The following C5orf63 variants were observed in gnomAD, a reference collection of about 807,000 sequenced individuals.
C5orf63 encodes glutaredoxin-like protein C5orf63.
In C5orf63, 18 loss-of-function variants were observed where a neutral mutation model predicts 13.3. That is an observed-to-expected ratio of 1.36 (90% CI 0.94 to 2.01). The LOEUF is 2.01. Ranked by LOEUF, C5orf63 falls within the 30% of genes most tolerant of loss-of-function variation. The pLI is 0.00. For synonymous variants in C5orf63, 38 were observed against 44.7 expected, an observed-to-expected ratio of 0.85 and a Z score of 0.60; for missense variants, 118 against 127.7, an observed-to-expected ratio of 0.92 and a Z score of 0.36.
downstream of C5orf63, among the ~76,000 whole-genome samples, chr5:127,049,205 G>A (rs1241298663): frequency 1.3e-5 from 2 of 152,100 alleles, no homozygotes; most frequent in African/African-American, 4.8e-5. Flanking sequence ...GGAAGCATGG[G>A]AGGCTACTGA....
At chr5:127,059,052 C>G in intron 2 of C5orf63, 50 bp from the exon 3 acceptor site, 1 of 1,065,962 alleles carries the variant, frequency 9.4e-7, no homozygotes, top group Non-Finnish European at 1.4e-6. Context: ...AGACTTTGTT[C>G]CTTACAATAT....
At chr5:127,059,658 G>T (rs1157616069) in intron 2 of C5orf63, among the ~76,000 whole-genome samples, 1 of 151,256 alleles carries the variant, frequency 6.6e-6, no homozygotes, top group East Asian at 1.9e-4. Flanking sequence ...AGCCTGGGAA[G>T]TTGGGGCTGC....
At position 127,051,409 on chromosome 5, in the gene C5orf63, G is replaced by A; in HGVS notation, c.*362C>T. The A allele has an allele frequency of 8.1e-7, 1 of 1,232,650 alleles. No individual in the cohort carries two copies. Among genetic ancestry groups the A allele is most frequent in the Non-Finnish European group, 1.0e-6 (1 of 988,532 alleles). The allele number at this position is 1,232,650 out of a possible 1,614,324, so 76.4% of individuals were successfully genotyped here. On this transcript the variant is annotated 3_prime_UTR_variant, in exon 5 of 5. Coordinates refer to ENST00000296662, the MANE Select transcript of C5orf63 (RefSeq NM_001164478.2). ...ATTTATTCTTTCATTAAAAAGTTAA[G>A]CCCTCCGGGGCAGCAGCAGGAATGC...
chr5:127,050,924 G>A (rs1300318446), downstream of C5orf63, among the ~76,000 whole-genome samples: 4 of 151,916 alleles, frequency 2.6e-5, no homozygotes, highest in Non-Finnish European at 5.9e-5. Flanking sequence ...TATAAATAAG[G>A]GTACGCAAAT....
chr5:127,061,342 A>G (rs765987796), intron 2 of C5orf63, among the ~76,000 whole-genome samples: 10 of 152,216 alleles, frequency 6.6e-5, no homozygotes, highest in Non-Finnish European at 7.3e-5. Flanking sequence ...CCACCAACCC[A>G]TATCATGCTA....
At chr5:127,046,467 G>C (rs1182687562), downstream of C5orf63, 1 of 152,246 alleles carries the variant, frequency 6.6e-6, no homozygotes, top group Non-Finnish European at 1.5e-5. Context: ...CTATGGAGTA[G>C]GATATAAGTG....
intron 3 of C5orf63, among the ~76,000 whole-genome samples, chr5:127,054,408 C>T (rs947879686): frequency 1.3e-5 from 2 of 152,058 alleles, no homozygotes; most frequent in African/African-American, 2.4e-5. Context: ...TTGTTTCCTG[C>T]CTTTTTAATG....
chr5:127,050,451 C>T (rs955012867), downstream of C5orf63, among the ~76,000 whole-genome samples: 3 of 151,968 alleles, frequency 2.0e-5, no homozygotes, highest in Admixed American at 6.6e-5. Context: ...GGACTATAGG[C>T]ATGTACCACT....
At chr5:127,070,197 A>C (rs79563222) in intron 2 of C5orf63, among the ~76,000 whole-genome samples, 2,594 of 152,284 alleles carry the variant, frequency 0.017, 69 homozygotes, top group African/African-American at 0.059. Flanking sequence ...CATCCATTTC[A>C]TTTTTGAACC....
intron 2 of C5orf63, among the ~76,000 whole-genome samples, chr5:127,064,946 C>T (rs1429566842): frequency 6.6e-6 from 1 of 152,168 alleles, no homozygotes; most frequent in Non-Finnish European, 1.5e-5. Context: ...AGTAGATGCA[C>T]ATCCCCTTAC....
Position 127,051,870 on chromosome 5 carries a change from G to A in C5orf63, c.249C>T (p.Val83=). The change falls in exon 5 of 5, where the codon GTC becomes GTT. Residue 83 remains valine (V), a synonymous_variant. Coordinates refer to ENST00000296662, the MANE Select transcript of C5orf63 (RefSeq NM_001164478.2). ...TCAGAAACTGGCCATTCAAGTGAAA[G>A]ACAGGAATATCAAATTTATACCTTT... The part of the protein sequence containing the change: ...WYERYKFDIP[V]FHLNGQFLMM... The A allele has an allele frequency of 6.5e-7, 1 of 1,535,968 alleles. No homozygotes were observed. Among genetic ancestry groups the A allele is most frequent in the Non-Finnish European group, 8.7e-7 (1 of 1,146,290 alleles).
At position 127,052,679 on chromosome 5, in the gene C5orf63, GA is replaced by G. The variant is rs753609698; in HGVS notation, c.115-11del. The G allele has an allele frequency of 7.5e-5, 110 of 1,475,298 alleles. 1 individual carries two copies. Among genetic ancestry groups the G allele is most frequent in the Non-Finnish European group, 8.9e-5 (100 of 1,124,798 alleles). 91.4% of individuals were successfully genotyped at this position (1,475,298 alleles called of 1,614,324 possible). A position where few individuals can be genotyped will look rare whatever the true frequency, so the allele number is the denominator to read the frequency against. ...AAAGGGGGCATGGGTCCTACAGGAA[GA>G]AAAAAAACCCAAGCGATTAAACCCA... On this transcript the variant is annotated splice_polypyrimidine_tract_variant and intron_variant, in intron 3 of 4. Transcript: ENST00000296662.
intron 4 of C5orf63, 21 bp from the exon 5 acceptor site, chr5:127,051,968 A>C (rs1004472127): frequency 6.8e-7 from 1 of 1,461,284 alleles, no homozygotes; most frequent in African/African-American, 1.4e-5. Context: ...GACAGACTAA[A>C]GCTCTGTATT....
chr5:127,063,004 AC>A lies in C5orf63; in HGVS notation c.-7-4003del, dbSNP rs1436873412. On this transcript the variant is annotated intron_variant, in intron 2 of 4. Transcript: ENST00000296662. ...AACAATTGGGTCACCTTTGTCACAGACTTAAAAAAAAAAAAGCAAAAAACAT... is the reference window on the plus strand; with the variant it reads ...AACAATTGGGTCACCTTTGTCACAGATTAAAAAAAAAAAAGCAAAAAACAT... Among the ~76,000 whole-genome samples, 15 of 148,410 alleles carry A rather than the reference AC, an allele frequency of 1.0e-4. No homozygotes were observed. The East Asian group carries it at 3.0e-3, about 29-fold the overall frequency.
intron 3 of C5orf63, among the ~76,000 whole-genome samples, chr5:127,055,092 C>T (rs753630921): frequency 4.3e-4 from 65 of 152,206 alleles, no homozygotes; most frequent in Non-Finnish European, 5.4e-4. Flanking sequence ...TTCCATTTGT[C>T]TATATCTCTG....
chr5:127,058,910 G>T lies in C5orf63; in HGVS notation c.86C>A (p.Thr29Asn), dbSNP rs1334740160. The T allele has an allele frequency of 1.3e-6, 2 of 1,536,656 alleles. No individual in the cohort carries two copies. The highest frequency in any genetic ancestry group is 1.2e-5 in the South Asian group (1 of 84,046). The change falls in exon 3 of 5, where the codon ACT (threonine) becomes AAT (asparagine). Residue 29 changes from threonine (T) to asparagine (N), a missense_variant. Transcript: ENST00000296662. ...TGTGAATAAGGTCAACACAGGCAGA[G>T]TTGTCTTAGAGGCAGAGCAATTTCT... The part of the protein sequence containing the change: ...FLRNCSASKT[T>N]LPVLTLFTKD...
chr5:127,053,097 G>T (rs534602255), intron 3 of C5orf63, among the ~76,000 whole-genome samples: 2 of 152,322 alleles, frequency 1.3e-5, no homozygotes, highest in South Asian at 4.1e-4. Context: ...TTGCCAGCCT[G>T]TTTTTCCTAA....
intron 2 of C5orf63, among the ~76,000 whole-genome samples, chr5:127,061,391 C>G (rs1048590414): frequency 6.6e-6 from 1 of 152,190 alleles, no homozygotes. Flanking sequence ...GATACTGATC[C>G]ATGAAAACAA....
downstream of C5orf63, chr5:127,044,945 C>T (rs1339368280): frequency 6.6e-6 from 1 of 152,144 alleles, no homozygotes; most frequent in African/African-American, 2.4e-5. Context: ...TGCCCCAACA[C>T]TGCCTGCCAT....
Sources: gnomAD v4.1 joint callset for allele counts (sites outside exome capture counted in the v4.1 genomes callset) on GRCh38, gnomAD v4.1.1 for gene constraint, MANE v1.5 for transcripts, NCBI Gene and HGNC (gene_info 2026-07-23, HGNC 2026-07-21) for gene names.